PDE9A: variants seen among roughly 807,000 people sequenced by gnomAD.
The protein encoded by PDE9A is high affinity cGMP-specific 3',5'-cyclic phosphodiesterase 9A.
PDE9A carries 60 observed loss-of-function variants against 87.4 expected under a neutral mutation model. That is an observed-to-expected ratio of 0.69 (90% CI 0.56 to 0.85). The LOEUF is 0.85. Among genes scored for constraint, PDE9A ranks in the 40% least tolerant of loss-of-function variants. PDE9A has a pLI of 0.00. For synonymous variants in PDE9A, 272 were observed against 279.4 expected (o/e 0.97, Z 0.27); for missense variants, 665 against 779.0 (o/e 0.85, Z 1.74).
intron 1 of PDE9A, among the ~76,000 whole-genome samples, chr21:42,665,970 C>T (rs2057945803): frequency 6.6e-6 from 1 of 152,214 alleles, no homozygotes; most frequent in South Asian, 2.1e-4. Context: ...CAGTGTGGAC[C>T]GTGAGAAGGG....
At chr21:42,730,976 A>G (rs1202496674) in intron 4 of PDE9A, among the ~76,000 whole-genome samples, 3 of 151,968 alleles carry the variant, frequency 2.0e-5, no homozygotes, top group African/African-American at 7.3e-5. Flanking sequence ...TTTTCTTTTG[A>G]GATGGAGTTT....
intron 13 of PDE9A, among the ~76,000 whole-genome samples, chr21:42,761,611 C>T (rs36052399): frequency 0.036 from 5,420 of 152,264 alleles, 147 homozygotes; most frequent in Middle Eastern, 0.095. Flanking sequence ...TAGTGGGTTC[C>T]GAGGTGTGGC....
intron 1 of PDE9A, among the ~76,000 whole-genome samples, chr21:42,665,926 C>A (rs991173875): frequency 6.6e-6 from 1 of 152,220 alleles, no homozygotes; most frequent in Non-Finnish European, 1.5e-5. Flanking sequence ...GGCACCTCTG[C>A]GCCATGAGGC....
intron 8 of PDE9A, among the ~76,000 whole-genome samples, chr21:42,747,867 A>C (rs571887422): frequency 6.6e-6 from 1 of 152,216 alleles, no homozygotes; most frequent in African/African-American, 2.4e-5. Context: ...GAGAAGGGGG[A>C]TGGGGACCCC....
intron 10 of PDE9A, chr21:42,758,746 C>A: frequency 2.2e-6 from 1 of 447,666 alleles, no homozygotes; most frequent in Non-Finnish European, 4.0e-6. Context: ...GCCCCAGGAT[C>A]CACCTGCCAG....
intron 14 of PDE9A, among the ~76,000 whole-genome samples, chr21:42,764,174 C>T (rs938960361): frequency 3.9e-5 from 6 of 152,230 alleles, no homozygotes; most frequent in African/African-American, 9.6e-5. Flanking sequence ...ACCCACTCGG[C>T]GCTGACATAC....
At chr21:42,754,383 A>G (rs1298410930) in intron 10 of PDE9A, among the ~76,000 whole-genome samples, 1 of 152,118 alleles carries the variant, frequency 6.6e-6, no homozygotes, top group Admixed American at 6.5e-5. Flanking sequence ...ACCCTCATGC[A>G]CGCCGGTGGC....
At chr21:42,770,621 G>A in intron 17 of PDE9A, 82 bp from the exon 18 acceptor site, 11 of 1,067,080 alleles carry the variant, frequency 1.0e-5, no homozygotes, top group Non-Finnish European at 1.4e-5. Context: ...TCCGCACGGA[G>A]CACCTGACAC....
rs1043840039 is a variant in PDE9A at position 42,760,334 on chromosome 21, G to A, written c.904G>A (p.Val302Ile). 1.4e-5 allele frequency: 22 copies of A among 1,602,762 alleles called. No individual in the cohort carries two copies. Among genetic ancestry groups the A allele is most frequent in the African/African-American group, 4.0e-5 (3 of 74,832 alleles). ...GACCCCCTGCCTCCCGCAGTTCTGCGTCCACGACAACTACAGAAACAACCC... is the reference window on the plus strand; with the variant it reads ...GACCCCCTGCCTCCCGCAGTTCTGCATCCACGACAACTACAGAAACAACCC... ...PVTLRRWLFC[V>I]HDNYRNNPFH... is the part of the protein sequence containing the mutation. The change falls in exon 12 of 20, where the codon GTC (valine) becomes ATC (isoleucine). Residue 302 changes from valine to isoleucine, a missense_variant. Val to Ile is a conservative substitution (Grantham distance 29). Transcript: ENST00000291539. This position sits in a 1 kb window ranked among gnomAD's most constrained non-coding sequence, Gnocchi z 5.2.
intron 9 of PDE9A, among the ~76,000 whole-genome samples, chr21:42,753,013 A>T (rs12481786): frequency 0.42 from 62,912 of 151,294 alleles, 13,427 homozygotes; most frequent in South Asian, 0.61. Context: ...CCCTTTTTTT[A>T]TTATTATTTT....
intron 8 of PDE9A, among the ~76,000 whole-genome samples, chr21:42,744,913 C>T (rs1029005801): frequency 2.6e-5 from 4 of 152,212 alleles, no homozygotes; most frequent in Non-Finnish European, 4.4e-5. Flanking sequence ...CTCACACCTC[C>T]GGGCTTTGCC....
At chr21:42,710,570 G>A (rs2049240753) in intron 4 of PDE9A, among the ~76,000 whole-genome samples, 1 of 152,202 alleles carries the variant, frequency 6.6e-6, no homozygotes, top group Non-Finnish European at 1.5e-5. Flanking sequence ...TCGAGTAGGT[G>A]TAAGAGCAAT....
chr21:42,688,735 A>G (rs956752650), intron 3 of PDE9A, among the ~76,000 whole-genome samples: 2 of 152,210 alleles, frequency 1.3e-5, no homozygotes, highest in Non-Finnish European at 2.9e-5. Flanking sequence ...TGTTCCTCCC[A>G]GAGTGGGGCT....
At chr21:42,690,343 ACAGG>A (rs1321637081) in intron 3 of PDE9A, among the ~76,000 whole-genome samples, 1 of 151,898 alleles carries the variant, frequency 6.6e-6, no homozygotes, top group Non-Finnish European at 1.5e-5. Context: ...CTAACCGGGT[ACAGG>A]TGATGCGGAA....
chr21:42,661,691 A>G (rs2145831326), intron 1 of PDE9A, among the ~76,000 whole-genome samples: 1 of 152,250 alleles, frequency 6.6e-6, no homozygotes, highest in South Asian at 2.1e-4. Flanking sequence ...TTTCATTCTT[A>G]GTTCTTCAGT....
intron 1 of PDE9A, among the ~76,000 whole-genome samples, chr21:42,657,767 G>T (rs2057192928): frequency 6.6e-6 from 1 of 152,202 alleles, no homozygotes; most frequent in South Asian, 2.1e-4. Flanking sequence ...GAATGCTCCG[G>T]GGCCTCTGTG....
rs1172785690 is a variant in PDE9A at position 42,705,639 on chromosome 21, G to A, written c.262+6628G>A. 1.3e-5 allele frequency among the ~76,000 whole-genome samples: 2 copies of A among 152,162 alleles called. No individual in the cohort carries two copies. The highest frequency in any genetic ancestry group is 4.8e-5 in the African/African-American group (2 of 41,438). On this transcript the variant is annotated intron_variant, in intron 4 of 19. Coordinates refer to ENST00000291539, the MANE Select transcript of PDE9A (RefSeq NM_002606.3). This position sits in a 1 kb window ranked among gnomAD's most constrained non-coding sequence, Gnocchi z 4.3. ...AAAGCGTGCTGCAGTCACACGCCAG[G>A]ACGGCCCCCCACGGCCCAAGTCCTA...
chr21:42,775,319 T>C lies in PDE9A; in HGVS notation c.*26T>C. 6.2e-7 allele frequency: 1 copy of C among 1,608,294 alleles called. No homozygotes were observed. The highest frequency in any genetic ancestry group is 8.5e-7 in the Non-Finnish European group (1 of 1,177,410). On this transcript the variant is annotated 3_prime_UTR_variant, in exon 20 of 20. Transcript: ENST00000291539. ...GGAAAGCGGGGGGCGTGGCTGCAGT[T>C]CTGGACGGGCTGGCCGAGCTGCGCG...
Position 42,722,436 on chromosome 21 carries a change from C to G in PDE9A, c.263-9334C>G, listed in dbSNP as rs184802701. ...CATGCAAATCTAAGCCCAGTGATGC[C>G]GTGCAATGGCTACGATCAAGGGCAA... On this transcript the variant is annotated intron_variant, in intron 4 of 19. Transcript: ENST00000291539. The surrounding 1 kb of genome is among the most constrained non-coding windows in gnomAD (Gnocchi z 4.1). Among the ~76,000 whole-genome samples the G allele has an allele frequency of 1.3e-5, 2 of 152,174 alleles. No individual in the cohort carries two copies. The highest frequency in any genetic ancestry group is 2.4e-5 in the African/African-American group (1 of 41,436).
Sources: gnomAD v4.1 joint callset for allele counts (sites outside exome capture counted in the v4.1 genomes callset) on GRCh38, gnomAD v4.1.1 for gene constraint, Gnocchi (gnomAD v3.1) non-coding constraint, MANE v1.5 for transcripts, NCBI Gene and HGNC (gene_info 2026-07-23, HGNC 2026-07-21) for gene names.